Variants in BCAS3 observed in about 807,000 individuals in gnomAD.
The protein encoded by BCAS3 is BCAS4/BCAS3 fusion.
BCAS3 carries 53 observed loss-of-function variants against 116.1 expected under a neutral mutation model. The observed-to-expected ratio is 0.46, with a 90% CI of 0.37 to 0.57. The LOEUF (loss-of-function observed/expected upper bound fraction) is 0.57. Ranked by LOEUF, BCAS3 falls within the 20% of genes least tolerant of loss-of-function variation. The probability of loss-of-function intolerance (pLI) is 0.00; values close to 1 mark genes in which losing one functional copy is unlikely to be tolerated. For missense variants in BCAS3, 917 were observed against 1,165.4 expected (o/e 0.79, Z 3.10); for synonymous variants, 391 against 408.2 (o/e 0.96, Z 0.51).
intron 17 of BCAS3, among the ~76,000 whole-genome samples, chr17:61,035,366 C>T (rs572534018): frequency 3.9e-5 from 6 of 152,054 alleles, no homozygotes; most frequent in South Asian, 4.1e-4. Context: ...TGGGCGATCA[C>T]GAGGTCGGGA....
At chr17:60,691,495 T>C (rs984706355) in intron 4 of BCAS3, among the ~76,000 whole-genome samples, 1 of 152,132 alleles carries the variant, frequency 6.6e-6, no homozygotes, top group Non-Finnish European at 1.5e-5. Context: ...TGATTAGTAA[T>C]GTTTAGCATC....
In BCAS3 at chr17:61,244,794, C is replaced by T. The variant is rs2047800092; in HGVS notation, c.2426-123533C>T. On this transcript the variant is annotated intron_variant, in intron 22 of 23. Coordinates refer to ENST00000407086, the MANE Select transcript of BCAS3 (RefSeq NM_017679.5). The surrounding 1 kb of genome is among the most constrained non-coding windows in gnomAD (Gnocchi z 4.9). ...AGGAGAATGGCATGAACCCAGGAGG[C>T]AGAGCTTGCAGTGAGCCGAGATCGC... Among the ~76,000 whole-genome samples the T allele has an allele frequency of 6.6e-6, 1 of 152,030 alleles. No individual in the cohort carries two copies. Among genetic ancestry groups the T allele is most frequent in the Non-Finnish European group, 1.5e-5 (1 of 68,004 alleles).
rs1322592916 is a variant in BCAS3, at chr17:61,041,754, T to C, written c.2029+862T>C. On this transcript the variant is annotated intron_variant, in intron 19 of 23. Coordinates refer to ENST00000407086, the MANE Select transcript of BCAS3 (RefSeq NM_017679.5). This position sits in a 1 kb window ranked among gnomAD's most constrained non-coding sequence, Gnocchi z 4.7. ...CTATATATTATACTGGAAACAGAAA[T>C]ATTTTATAGACTTTGCTCTCAAGTT... Among the ~76,000 whole-genome samples, 1 of 152,056 alleles carries C rather than the reference T, an allele frequency of 6.6e-6. No individual in the cohort carries two copies. Among genetic ancestry groups the C allele is most frequent in the African/African-American group, 2.4e-5 (1 of 41,442 alleles).
At chr17:60,784,897 A>G (rs1325130130) in intron 6 of BCAS3, among the ~76,000 whole-genome samples, 1 of 151,904 alleles carries the variant, frequency 6.6e-6, no homozygotes, top group Admixed American at 6.6e-5. Flanking sequence ...GGAGTTTGAG[A>G]CCAGCCTGGC....
intron 22 of BCAS3, among the ~76,000 whole-genome samples, chr17:61,314,579 C>T (rs2054582607): frequency 6.6e-6 from 1 of 152,238 alleles, no homozygotes; most frequent in Admixed American, 6.5e-5. Context: ...CTGGGACAAC[C>T]TTACAGCTAC....
At chr17:61,257,530 T>C (rs529734946) in intron 22 of BCAS3, among the ~76,000 whole-genome samples, 4 of 152,294 alleles carry the variant, frequency 2.6e-5, no homozygotes, top group Non-Finnish European at 5.9e-5. Context: ...TGGAATACTT[T>C]AGCGGTCCCA....
intron 22 of BCAS3, among the ~76,000 whole-genome samples, chr17:61,150,810 A>G (rs1222312608): frequency 6.6e-6 from 1 of 152,126 alleles, no homozygotes; most frequent in Non-Finnish European, 1.5e-5. Flanking sequence ...ACCCATCCTG[A>G]CCTGGTCTTG....
intron 6 of BCAS3, among the ~76,000 whole-genome samples, chr17:60,791,954 C>G (rs1016321591): frequency 1.3e-5 from 2 of 152,032 alleles, no homozygotes; most frequent in Non-Finnish European, 2.9e-5. Flanking sequence ...GAAACCCCAT[C>G]TCTACTAAAA....
chr17:60,899,246 C>T (rs1479026036), intron 10 of BCAS3, among the ~76,000 whole-genome samples: 1 of 152,042 alleles, frequency 6.6e-6, no homozygotes, highest in Non-Finnish European at 1.5e-5. Flanking sequence ...ACCCCAGTCC[C>T]AGTGGGGCTC....
At chr17:60,943,668 T>C (rs945916560) in intron 13 of BCAS3, among the ~76,000 whole-genome samples, 1 of 152,052 alleles carries the variant, frequency 6.6e-6, no homozygotes, top group Non-Finnish European at 1.5e-5. Flanking sequence ...AGTAAGGAAA[T>C]TGAAGATGCA....
chr17:61,086,113 G>C (rs909556000), intron 22 of BCAS3, among the ~76,000 whole-genome samples: 2 of 151,996 alleles, frequency 1.3e-5, no homozygotes, highest in Non-Finnish European at 2.9e-5. Context: ...TTTTGAGACA[G>C]AGTCTCCCAC....
intron 12 of BCAS3, among the ~76,000 whole-genome samples, chr17:60,911,505 C>T (rs1458493442): frequency 6.6e-6 from 1 of 152,124 alleles, no homozygotes; most frequent in African/African-American, 2.4e-5. Context: ...TCCGTGTTGG[C>T]CAGGCTGGTC....
chr17:60,980,303 T>C (rs1469769123), intron 14 of BCAS3, among the ~76,000 whole-genome samples: 1 of 152,172 alleles, frequency 6.6e-6, no homozygotes, highest in African/African-American at 2.4e-5. Flanking sequence ...AAACTTATCA[T>C]CTTTTTTTAT....
At position 61,349,611 on chromosome 17, in the gene BCAS3, C is replaced by G. The variant is rs1188758648; in HGVS notation, c.2426-18716C>G. ...TGGAATAATGGACCTGACTGTAATC[C>G]AACATGTTTTTTAAAGCTAGCATAT... is the stretch of plus-strand genomic sequence containing the variant. On this transcript the variant is annotated intron_variant, in intron 22 of 23. Coordinates refer to ENST00000407086, the MANE Select transcript of BCAS3 (RefSeq NM_017679.5). This position sits in a 1 kb window ranked among gnomAD's most constrained non-coding sequence, Gnocchi z 4.7. 1.3e-5 allele frequency among the ~76,000 whole-genome samples: 2 copies of G among 152,154 alleles called. No homozygotes were observed. Among genetic ancestry groups the G allele is most frequent in the Non-Finnish European group, 2.9e-5 (2 of 68,028 alleles).
Position 61,028,764 on chromosome 17 carries a change from C to T in BCAS3, c.1638-5902C>T, listed in dbSNP as rs1015361659. ...TATTAAATATAGTAGACTTTTAAAT[C>T]ATTGCCTGTCTTTTAGAAGACTGCT... On this transcript the variant is annotated intron_variant, in intron 16 of 23. Transcript: ENST00000407086. The surrounding 1 kb of genome is among the most constrained non-coding windows in gnomAD (Gnocchi z 4.3). 4.6e-5 allele frequency among the ~76,000 whole-genome samples: 7 copies of T among 151,882 alleles called. No individual in the cohort carries two copies. The highest frequency in any genetic ancestry group is 8.8e-5 in the Non-Finnish European group (6 of 67,806).
intron 15 of BCAS3, among the ~76,000 whole-genome samples, chr17:61,003,415 CTTCT>C (rs1218050025): frequency 7.6e-6 from 1 of 131,638 alleles, no homozygotes; most frequent in African/African-American, 3.2e-5. Context: ...CTTCCCTTCC[CTTCT>C]TTTTCTTTCC....
rs1220454601 is a variant in BCAS3, at chr17:61,217,247, C to A, written c.2425+132683C>A. On this transcript the variant is annotated intron_variant, in intron 22 of 23. Coordinates refer to ENST00000407086, the MANE Select transcript of BCAS3 (RefSeq NM_017679.5). This position sits in a 1 kb window ranked among gnomAD's most constrained non-coding sequence, Gnocchi z 5.2. The stretch of plus-strand genomic sequence containing the variant: ...GCAGTGAGCTGAGATCGTGCCACTG[C>A]ACTCCAGCCTGAGTGACAGAGCAAG... 6.6e-6 allele frequency among the ~76,000 whole-genome samples: 1 copy of A among 152,140 alleles called. No homozygotes were observed. Among genetic ancestry groups the A allele is most frequent in the Non-Finnish European group, 1.5e-5 (1 of 68,030 alleles).
At chr17:60,697,390 G>A (rs1198779174) in intron 4 of BCAS3, among the ~76,000 whole-genome samples, 4 of 151,656 alleles carry the variant, frequency 2.6e-5, no homozygotes, top group South Asian at 2.1e-4. Flanking sequence ...GTGAAACCCC[G>A]TCTCTACTAA....
rs775185589 is a variant in BCAS3 at position 60,874,643 on chromosome 17, T to C, written c.585-19T>C. The C allele has an allele frequency of 3.8e-6, 6 of 1,570,740 alleles. No homozygotes were observed. The African/African-American group carries it at 8.1e-5, about 21-fold the overall frequency. On this transcript the variant is annotated intron_variant, in intron 8 of 23. Transcript: ENST00000407086. ...ATTCACTTTTTTTCTTTCTGTTTTT[T>C]TTCTCTCTCTAATTTTAGGATCCTT...
Sources: gnomAD v4.1 joint callset for allele counts (sites outside exome capture counted in the v4.1 genomes callset) on GRCh38, gnomAD v4.1.1 for gene constraint, Gnocchi (gnomAD v3.1) non-coding constraint, MANE v1.5 for transcripts, NCBI Gene and HGNC (gene_info 2026-07-23, HGNC 2026-07-21) for gene names.